Variants in PALLD observed in about 807,000 individuals in gnomAD.
PALLD encodes palladin.
Under a neutral mutation model 123.5 loss-of-function variants are expected in PALLD, and 61 were observed. The observed-to-expected ratio is 0.49, with a 90% CI of 0.40 to 0.61. The LOEUF is 0.61. Ranked by LOEUF, PALLD falls within the 20% of genes least tolerant of loss-of-function variation. PALLD has a pLI of 0.00. For synonymous variants in PALLD, 465 were observed against 496.4 expected (o/e 0.94, Z 0.84); for missense variants, 1,273 against 1,377.0 (o/e 0.92, Z 1.20).
intron 6 of PALLD, among the ~76,000 whole-genome samples, chr4:168,689,090 T>C (rs917141680): frequency 9.9e-5 from 15 of 152,260 alleles, no homozygotes; most frequent in African/African-American, 3.4e-4. Flanking sequence ...GTTGATCATC[T>C]AAACCTTGTC....
chr4:168,871,997 G>A lies in PALLD; in HGVS notation c.1965-18925G>A, dbSNP rs556313763. Among the ~76,000 whole-genome samples, 5 of 152,228 alleles carry A rather than the reference G, an allele frequency of 3.3e-5. No individual in the cohort carries two copies. The East Asian group carries it at 5.8e-4, about 18-fold the overall frequency. On this transcript the variant is annotated intron_variant, in intron 10 of 21. Coordinates refer to ENST00000505667, the MANE Select transcript of PALLD (RefSeq NM_001166108.2). Reference sequence around the variant, plus strand: ...GACATCTCAACATCTGGAAGCCAGCGGCAGGAGTCAACTTATGAGAAACAG... The same window carrying A: ...GACATCTCAACATCTGGAAGCCAGCAGCAGGAGTCAACTTATGAGAAACAG...
chr4:168,545,773 GT>G (rs1229505279), intron 2 of PALLD, among the ~76,000 whole-genome samples: 2 of 152,102 alleles, frequency 1.3e-5, no homozygotes, highest in African/African-American at 4.8e-5. Context: ...AAACAACTGA[GT>G]TTTGTAATTA....
chr4:168,826,280 A>G (rs1182053185), intron 10 of PALLD, among the ~76,000 whole-genome samples: 1 of 152,224 alleles, frequency 6.6e-6, no homozygotes, highest in Non-Finnish European at 1.5e-5. Context: ...ACTATGCGCA[A>G]TAAAACTTGG....
intron 2 of PALLD, among the ~76,000 whole-genome samples, chr4:168,620,052 C>A (rs1451044351): frequency 2.6e-5 from 4 of 152,180 alleles, no homozygotes; most frequent in Admixed American, 6.5e-5. Flanking sequence ...TGGAACAGAG[C>A]AAAATCAGCT....
At chr4:168,687,408 G>A (rs1328682481) in intron 6 of PALLD, among the ~76,000 whole-genome samples, 1 of 152,150 alleles carries the variant, frequency 6.6e-6, no homozygotes, top group African/African-American at 2.4e-5. Context: ...GTTTACAGAG[G>A]GGTGGACACT....
chr4:168,737,169 T>C (rs909123773), intron 10 of PALLD, among the ~76,000 whole-genome samples: 1 of 152,130 alleles, frequency 6.6e-6, no homozygotes, highest in Non-Finnish European at 1.5e-5. Context: ...ACAAAACAAA[T>C]AGGGCTAAAA....
At chr4:168,876,779 C>T (rs1048912384) in intron 10 of PALLD, among the ~76,000 whole-genome samples, 3 of 152,070 alleles carry the variant, frequency 2.0e-5, no homozygotes, top group Admixed American at 6.6e-5. Context: ...TCATAGATAA[C>T]TTGTTTTATC....
intron 2 of PALLD, among the ~76,000 whole-genome samples, chr4:168,557,143 A>G (rs1005219112): frequency 1.3e-5 from 2 of 152,138 alleles, no homozygotes; most frequent in Non-Finnish European, 2.9e-5. Flanking sequence ...TCCCGGCTTC[A>G]AGCAATTCTC....
At chr4:168,503,475 T>C (rs2465122) in intron 1 of PALLD, among the ~76,000 whole-genome samples, 109,816 of 151,816 alleles carry the variant, frequency 0.72, 40,051 homozygotes, top group African/African-American at 0.81. Flanking sequence ...GGGGAAACCC[T>C]GTCTCTACTA....
At chr4:168,591,538 A>G (rs949126719) in intron 2 of PALLD, among the ~76,000 whole-genome samples, 2 of 152,244 alleles carry the variant, frequency 1.3e-5, no homozygotes, top group Non-Finnish European at 2.9e-5. Context: ...TTTTACTACC[A>G]TAGATGCTTT....
chr4:168,582,870 T>C (rs904047061), intron 2 of PALLD, among the ~76,000 whole-genome samples: 3 of 152,150 alleles, frequency 2.0e-5, no homozygotes, highest in Non-Finnish European at 2.9e-5. Context: ...CATAGTTGCC[T>C]CCAACCTAAG....
At position 168,765,813 on chromosome 4, in the gene PALLD, C is replaced by T. The variant is rs116764007; in HGVS notation, c.1964+53890C>T. Among the ~76,000 whole-genome samples the T allele has an allele frequency of 4.4e-3, 675 of 152,248 alleles. 5 individuals carry two copies. Among genetic ancestry groups the T allele is most frequent in the African/African-American group, 0.015 (616 of 41,530 alleles). ...TGAGGTCAGCAATTCAGCCCTTTAC[C>T]TCTGATTGTGGGCCAAATAAATGGC... On this transcript the variant is annotated intron_variant, in intron 10 of 21. Coordinates refer to ENST00000505667, the MANE Select transcript of PALLD (RefSeq NM_001166108.2).
chr4:168,919,397 C>T (rs1422242666), intron 17 of PALLD, among the ~76,000 whole-genome samples: 6 of 152,014 alleles, frequency 3.9e-5, no homozygotes, highest in South Asian at 2.1e-4. Context: ...TGGTGGCAGG[C>T]GCCTGTAATC....
intron 3 of PALLD, among the ~76,000 whole-genome samples, chr4:168,678,492 G>A (rs966419284): frequency 1.3e-5 from 2 of 152,160 alleles, no homozygotes. Context: ...TAGTGCCTGG[G>A]CTGACCGTGG....
At chr4:168,505,304 C>T (rs1292898983) in intron 1 of PALLD, among the ~76,000 whole-genome samples, 1 of 152,182 alleles carries the variant, frequency 6.6e-6, no homozygotes, top group Non-Finnish European at 1.5e-5. Flanking sequence ...TCAGATGGCG[C>T]CTCTTTAAAA....
intron 2 of PALLD, among the ~76,000 whole-genome samples, chr4:168,656,842 A>G (rs1328397520): frequency 6.6e-6 from 1 of 152,244 alleles, no homozygotes; most frequent in Non-Finnish European, 1.5e-5. Flanking sequence ...ATTCCTGTGT[A>G]AGAAAATTAT....
chr4:168,913,097 C>T (rs1380738412), intron 15 of PALLD, among the ~76,000 whole-genome samples: 6 of 151,218 alleles, frequency 4.0e-5, no homozygotes, highest in African/African-American at 1.2e-4. Context: ...TTTTATCATG[C>T]TCATTTTAAT....
At chr4:168,556,452 G>A (rs1580298767) in intron 2 of PALLD, among the ~76,000 whole-genome samples, 1 of 152,166 alleles carries the variant, frequency 6.6e-6, no homozygotes, top group South Asian at 2.1e-4. Flanking sequence ...TGAAGAAAAA[G>A]GTAAAGTGTT....
intron 2 of PALLD, among the ~76,000 whole-genome samples, chr4:168,640,115 G>A (rs1776794892): frequency 1.3e-5 from 2 of 152,124 alleles, no homozygotes; most frequent in Non-Finnish European, 2.9e-5. Flanking sequence ...CCGTTGGTGC[G>A]GCCAACTTTC....
Sources: allele counts gnomAD v4.1 joint callset (sites outside exome capture counted in the v4.1 genomes callset), GRCh38; gene constraint gnomAD v4.1.1; transcripts MANE v1.5; gene names NCBI Gene and HGNC (gene_info 2026-07-23, HGNC 2026-07-21).